The following NARS2 variants were observed in gnomAD, a reference collection of about 807,000 sequenced individuals.
NARS2 encodes the protein asparaginyl-tRNA synthetase 2, mitochondrial, also known as asparaginyl-tRNA synthetase.
In NARS2, 60 loss-of-function variants were observed where a neutral mutation model predicts 62.9. The observed-to-expected ratio is 0.95, with a 90% CI of 0.77 to 1.18. The LOEUF (loss-of-function observed/expected upper bound fraction) is 1.18, where lower values mean the gene tolerates loss of function less well. Among genes scored for constraint, NARS2 ranks in the 50% most tolerant of loss-of-function variants. NARS2 has a pLI of 0.00. For missense variants in NARS2, 619 were observed against 576.4 expected (o/e 1.07, Z -0.76); for synonymous variants, 196 against 200.0 (o/e 0.98, Z 0.17).
chr11:78,447,432 A>G (rs533899312), intron 11 of NARS2, among the ~76,000 whole-genome samples: 62 of 152,300 alleles, frequency 4.1e-4, no homozygotes, highest in Non-Finnish European at 6.9e-4. Context: ...ATTATGAGAA[A>G]TGGTATGGAA....
chr11:78,517,468 G>A (rs1860956318), intron 6 of NARS2, among the ~76,000 whole-genome samples: 1 of 152,154 alleles, frequency 6.6e-6, no homozygotes, highest in Non-Finnish European at 1.5e-5. Context: ...CTACCACCTC[G>A]TATTCATCCA....
intron 5 of NARS2, chr11:78,533,044 G>GC (rs900288502): frequency 3.9e-5 from 6 of 152,082 alleles, no homozygotes; most frequent in Admixed American, 3.9e-4. Context: ...TGGATTCTGG[G>GC]CCTCTTGATT....
intron 5 of NARS2, among the ~76,000 whole-genome samples, chr11:78,559,327 A>AAT (rs1351118322): frequency 6.6e-6 from 1 of 151,282 alleles, no homozygotes; most frequent in African/African-American, 2.4e-5. Context: ...AAAAAAAAAA[A>AAT]ATTCATTCTT....
At chr11:78,505,472 A>AT (rs778440725) in intron 6 of NARS2, among the ~76,000 whole-genome samples, 8 of 150,724 alleles carry the variant, frequency 5.3e-5, no homozygotes, top group Admixed American at 4.0e-4. Context: ...TTTTTAACTG[A>AT]TTTTTCCCCC....
intron 7 of NARS2, among the ~76,000 whole-genome samples, chr11:78,486,351 G>A (rs1039730747): frequency 6.6e-6 from 1 of 152,134 alleles, no homozygotes; most frequent in African/African-American, 2.4e-5. Context: ...AGGAGAAGGT[G>A]ACCCTCTAAT....
Position 78,568,632 on chromosome 11 carries a change from C to T in NARS2, c.372G>A (p.Lys124=). Residue 124 remains lysine (K), a splice_region_variant and synonymous_variant, in exon 3 of 14, where the codon AAG becomes AAA. Transcript: ENST00000281038. ...TCCACAAAAGTGTCAGAAATCATAC[C>T]TTGGCATCACAATTTCCAATAACTT... ...KIKVIGNCDA[K]DFPIKYKERH... The T allele has an allele frequency of 6.2e-7, 1 of 1,611,228 alleles. No homozygotes were observed. The highest frequency in any genetic ancestry group is 8.5e-7 in the Non-Finnish European group (1 of 1,178,454).
intron 6 of NARS2, among the ~76,000 whole-genome samples, chr11:78,517,662 C>A (rs889879148): frequency 2.6e-5 from 4 of 152,158 alleles, no homozygotes; most frequent in African/African-American, 7.2e-5. Context: ...CCTAGTGATA[C>A]CCAACCCCTG....
chr11:78,564,099 C>T (rs551455746), intron 4 of NARS2, among the ~76,000 whole-genome samples: 410 of 151,718 alleles, frequency 2.7e-3, no homozygotes, highest in African/African-American at 9.5e-3. Context: ...AGGGTTTCAC[C>T]GTGTTGCCAG....
At chr11:78,452,439 ACT>A in intron 11 of NARS2, among the ~76,000 whole-genome samples, 1 of 150,464 alleles carries the variant, frequency 6.6e-6, no homozygotes, top group South Asian at 2.1e-4. Flanking sequence ...ACAGGGTCTC[ACT>A]CTGCCACTCA....
chr11:78,493,594 G>A (rs900631201), intron 6 of NARS2, among the ~76,000 whole-genome samples: 15 of 151,784 alleles, frequency 9.9e-5, no homozygotes, highest in African/African-American at 3.6e-4. Context: ...GGAGGTGGAG[G>A]CCACAGTGAG....
At chr11:78,536,895 T>G (rs1590828699) in intron 5 of NARS2, among the ~76,000 whole-genome samples, 1 of 152,196 alleles carries the variant, frequency 6.6e-6, no homozygotes, top group East Asian at 1.9e-4. Context: ...AGGTGTACCA[T>G]TAAAAGAAAA....
chr11:78,546,614 G>T (rs1486995373), intron 5 of NARS2: 2 of 152,180 alleles, frequency 1.3e-5, no homozygotes, highest in African/African-American at 4.8e-5. Context: ...AATATTAATT[G>T]ATAAAAGGAA....
intron 4 of NARS2, 98 bp downstream of exon 4, chr11:78,566,034 C>G: frequency 2.9e-6 from 3 of 1,029,608 alleles, no homozygotes; most frequent in Non-Finnish European, 2.8e-6. Flanking sequence ...TAACCCATAA[C>G]TAACAGACAT....
intron 6 of NARS2, among the ~76,000 whole-genome samples, chr11:78,500,566 T>G (rs1226139015): frequency 6.6e-6 from 1 of 152,102 alleles, no homozygotes; most frequent in African/African-American, 2.4e-5. Context: ...CTCAACCTCC[T>G]GGGCTCAAGC....
intron 11 of NARS2, among the ~76,000 whole-genome samples, chr11:78,456,469 C>G (rs1387056420): frequency 6.6e-6 from 1 of 152,094 alleles, no homozygotes; most frequent in East Asian, 1.9e-4. Context: ...ATTGGCAATT[C>G]CCTTCATCAC....
At chr11:78,556,867 G>A (rs1473204780) in intron 5 of NARS2, among the ~76,000 whole-genome samples, 1 of 152,194 alleles carries the variant, frequency 6.6e-6, no homozygotes, top group Non-Finnish European at 1.5e-5. Flanking sequence ...TACAAACAAG[G>A]AATTTTGTAG....
At chr11:78,551,155 C>T (rs564862049) in intron 5 of NARS2, among the ~76,000 whole-genome samples, 3 of 152,238 alleles carry the variant, frequency 2.0e-5, no homozygotes, top group Middle Eastern at 3.4e-3. Flanking sequence ...GCTGTACAAC[C>T]CTGAGAACAT....
intron 4 of NARS2, 34 bp downstream of exon 4, chr11:78,566,098 T>C: frequency 6.4e-7 from 1 of 1,551,280 alleles, no homozygotes; most frequent in Non-Finnish European, 8.7e-7. Context: ...TTAAAACTGT[T>C]TAAAGGGTCA....
At chr11:78,515,835 C>G (rs1860890221) in intron 6 of NARS2, among the ~76,000 whole-genome samples, 1 of 152,136 alleles carries the variant, frequency 6.6e-6, no homozygotes, top group Non-Finnish European at 1.5e-5. Flanking sequence ...GAACTGTGTA[C>G]TTTTAATGGA....
Sources: allele counts gnomAD v4.1 joint callset (sites outside exome capture counted in the v4.1 genomes callset), GRCh38; gene constraint gnomAD v4.1.1; transcripts MANE v1.5; gene names NCBI Gene and HGNC (gene_info 2026-07-23, HGNC 2026-07-21).